TBC1D22A: variants seen among roughly 807,000 people sequenced by gnomAD.
TBC1D22A encodes the protein putative GTPase activator.
A neutral mutation model predicts 60.2 loss-of-function variants in TBC1D22A; 38 were observed. The ratio of observed to expected loss-of-function variants is 0.63; its 90% CI spans 0.49 to 0.83. The LOEUF (loss-of-function observed/expected upper bound fraction) is 0.83, where lower values mean the gene tolerates loss of function less well. TBC1D22A is among the 40% of genes least tolerant of loss of function. TBC1D22A has a pLI of 0.00. For missense variants in TBC1D22A, 628 were observed against 701.0 expected (o/e 0.90, Z 1.18); for synonymous variants, 302 against 281.7 (o/e 1.07, Z -0.72).
intron 4 of TBC1D22A, among the ~76,000 whole-genome samples, chr22:46,860,564 A>G: frequency 7.4e-6 from 1 of 136,016 alleles, no homozygotes; most frequent in Admixed American, 7.6e-5. Context: ...TTTTTGATAG[A>G]GGTCCGCGCA....
intron 11 of TBC1D22A, among the ~76,000 whole-genome samples, chr22:47,102,364 C>T (rs938410418): frequency 5.9e-5 from 9 of 152,152 alleles, no homozygotes; most frequent in Non-Finnish European, 1.3e-4. Context: ...CTTGACCCAC[C>T]CCAGGCGTGT....
At chr22:46,895,157 G>A (rs975506068) in intron 7 of TBC1D22A, among the ~76,000 whole-genome samples, 1 of 151,992 alleles carries the variant, frequency 6.6e-6, no homozygotes, top group Non-Finnish European at 1.5e-5. Flanking sequence ...TACAAACATG[G>A]CCTTGACCTC....
intron 4 of TBC1D22A, among the ~76,000 whole-genome samples, chr22:46,832,230 A>G (rs2086340925): frequency 6.6e-6 from 1 of 152,258 alleles, no homozygotes; most frequent in Admixed American, 6.5e-5. Context: ...GGGCAGATCC[A>G]GAGCGGGAGC....
At chr22:46,913,612 A>T in intron 8 of TBC1D22A, 1 of 985,316 alleles carries the variant, frequency 1.0e-6, no homozygotes, top group Non-Finnish European at 1.2e-6. Flanking sequence ...TCTGCCTCTT[A>T]CCCCTCATTT....
At chr22:47,160,434 G>C (rs1376530515) in intron 12 of TBC1D22A, among the ~76,000 whole-genome samples, 1 of 152,138 alleles carries the variant, frequency 6.6e-6, no homozygotes, top group Non-Finnish European at 1.5e-5. Flanking sequence ...CTGGTCAGCG[G>C]GTGGAGGTCT....
At chr22:46,983,587 G>A (rs1224883448) in intron 9 of TBC1D22A, among the ~76,000 whole-genome samples, 3 of 152,104 alleles carry the variant, frequency 2.0e-5, no homozygotes, top group African/African-American at 7.2e-5. Flanking sequence ...GTGGGTTTCC[G>A]GGGTTCTGGC....
chr22:47,154,425 C>T (rs1340641363), intron 12 of TBC1D22A, among the ~76,000 whole-genome samples: 1 of 152,178 alleles, frequency 6.6e-6, no homozygotes, highest in Non-Finnish European at 1.5e-5. Context: ...ACTGTCATGG[C>T]CTGGAAATGC....
chr22:47,043,000 C>G (rs1837894932), intron 11 of TBC1D22A, among the ~76,000 whole-genome samples: 1 of 152,218 alleles, frequency 6.6e-6, no homozygotes, highest in African/African-American at 2.4e-5. Flanking sequence ...GGCCCCGAAT[C>G]ACTCAGCCCA....
At chr22:47,090,845 T>G (rs1173245539) in intron 11 of TBC1D22A, among the ~76,000 whole-genome samples, 1 of 119,882 alleles carries the variant, frequency 8.3e-6, no homozygotes, top group African/African-American at 3.3e-5. Flanking sequence ...GCACGAGAAG[T>G]CGTCTTTGGG....
rs575098302 is a variant in TBC1D22A, at chr22:46,800,800, C to T, written c.637+3180C>T. ...TCTCACTTGATTTTTGTGCTATTGA[C>T]GTATATGGTCACTTTTGTGGTCATT... is the stretch of plus-strand genomic sequence containing the variant. On this transcript the variant is annotated intron_variant, in intron 4 of 12. Transcript: ENST00000337137. 5.9e-4 allele frequency among the ~76,000 whole-genome samples: 90 copies of T among 152,194 alleles called. No individual in the cohort carries two copies. The Middle Eastern group carries it at 0.017, about 29-fold the overall frequency.
chr22:46,854,360 G>A (rs1045653769), intron 4 of TBC1D22A, among the ~76,000 whole-genome samples: 3 of 152,036 alleles, frequency 2.0e-5, no homozygotes, highest in East Asian at 1.9e-4. Context: ...CCACAGTGTC[G>A]ACATCCCTTC....
intron 8 of TBC1D22A, among the ~76,000 whole-genome samples, chr22:46,936,381 C>A (rs2071657473): frequency 6.6e-6 from 1 of 152,162 alleles, no homozygotes. Flanking sequence ...CCTCGTGGCT[C>A]CCCGCACAGC....
chr22:46,935,359 TA>T (rs1225736335), intron 8 of TBC1D22A, among the ~76,000 whole-genome samples: 1 of 152,156 alleles, frequency 6.6e-6, no homozygotes, highest in Non-Finnish European at 1.5e-5. Flanking sequence ...GAATTCTTGT[TA>T]AAAAGTGAGT....
At chr22:46,959,013 G>A (rs377407391) in intron 8 of TBC1D22A, among the ~76,000 whole-genome samples, 9 of 152,192 alleles carry the variant, frequency 5.9e-5, no homozygotes, top group East Asian at 1.9e-4. Flanking sequence ...AAAATGAAAC[G>A]GGCATTGGCT....
At chr22:46,897,650 G>GTTTTTTTTTTT (rs1569189591) in intron 7 of TBC1D22A, among the ~76,000 whole-genome samples, 1 of 92,618 alleles carries the variant, frequency 1.1e-5, no homozygotes, top group African/African-American at 4.7e-5. Context: ...GTTTTTTTTT[G>GTTTTTTTTTTT]TGTTTTTTTT....
chr22:46,978,691 C>A (rs1300754551), intron 9 of TBC1D22A, among the ~76,000 whole-genome samples: 1 of 152,162 alleles, frequency 6.6e-6, no homozygotes, highest in Non-Finnish European at 1.5e-5. Context: ...TTCACTGCAA[C>A]CTCCGCCTCC....
At chr22:46,959,701 C>T (rs1418042125) in intron 8 of TBC1D22A, among the ~76,000 whole-genome samples, 4 of 152,152 alleles carry the variant, frequency 2.6e-5, no homozygotes, top group African/African-American at 4.8e-5. Context: ...TGGTCAGAGC[C>T]GGCCAAGCCC....
At chr22:46,831,049 G>T (rs921540153) in intron 4 of TBC1D22A, among the ~76,000 whole-genome samples, 5 of 152,202 alleles carry the variant, frequency 3.3e-5, no homozygotes, top group Admixed American at 2.0e-4. Flanking sequence ...CATCTAAGAG[G>T]ACACGAGAGG....
chr22:46,803,301 C>T (rs758691627), intron 4 of TBC1D22A, among the ~76,000 whole-genome samples: 2 of 152,186 alleles, frequency 1.3e-5, no homozygotes, highest in Admixed American at 6.5e-5. Context: ...GGCTGGGAAC[C>T]GGGGTCACCC....
Sources: gnomAD v4.1 joint callset for allele counts (sites outside exome capture counted in the v4.1 genomes callset) on GRCh38, gnomAD v4.1.1 for gene constraint, MANE v1.5 for transcripts, NCBI Gene and HGNC (gene_info 2026-07-23, HGNC 2026-07-21) for gene names.